Variants in KDM4B observed in about 807,000 individuals in gnomAD.
KDM4B encodes lysine demethylase 4B.
Under a neutral mutation model 125.2 loss-of-function variants are expected in KDM4B, and 32 were observed. The observed-to-expected ratio is 0.26, with a 90% confidence interval of 0.19 to 0.34. KDM4B has a LOEUF of 0.34. KDM4B is among the 10% of genes least tolerant of loss of function. The probability of loss-of-function intolerance (pLI) is 1.00; values close to 1 mark genes in which losing one functional copy is unlikely to be tolerated. For synonymous variants in KDM4B, 721 were observed against 677.9 expected (o/e 1.06, Z -0.99); for missense variants, 1,190 against 1,577.7 (o/e 0.75, Z 4.16).
intron 9 of KDM4B, among the ~76,000 whole-genome samples, chr19:5,087,320 G>A (rs2038537118): frequency 6.6e-6 from 1 of 152,234 alleles, no homozygotes; most frequent in African/African-American, 2.4e-5. Flanking sequence ...AGGAGGCCTG[G>A]TGGCCCTGTG....
rs546710112 is a variant in KDM4B, at chr19:5,114,199, G to A, written c.1115+3381G>A. Reference sequence around the variant, plus strand: ...TGCAAACTCTTTCCACGCGAGAAGCGCCATGTGCACGTGCTCCAGCAGGTA... The same window carrying A: ...TGCAAACTCTTTCCACGCGAGAAGCACCATGTGCACGTGCTCCAGCAGGTA... On this transcript the variant is annotated intron_variant, in intron 10 of 22. Transcript: ENST00000159111. The surrounding 1 kb of genome is among the most constrained non-coding windows in gnomAD (Gnocchi z 5.8). The A allele has an allele frequency of 9.1e-5, 117 of 1,289,688 alleles. No individual in the cohort carries two copies. Among genetic ancestry groups the A allele is most frequent in the Non-Finnish European group, 1.1e-4 (113 of 988,844 alleles). The allele number at this position is 1,289,688 out of a possible 1,614,324, so 79.9% of individuals were successfully genotyped here.
chr19:5,111,712 G>A, intron 10 of KDM4B: 1 of 758,834 alleles, frequency 1.3e-6, no homozygotes, highest in Non-Finnish European at 2.4e-6. Flanking sequence ...CACAGAGTGG[G>A]CTCAGCCAAC....
chr19:5,073,426 TC>T (rs1399089771), intron 7 of KDM4B, among the ~76,000 whole-genome samples: 1 of 152,238 alleles, frequency 6.6e-6, no homozygotes, highest in Non-Finnish European at 1.5e-5. Context: ...GAGCTGGGCT[TC>T]ACCCAGGCGG....
intron 1 of KDM4B, among the ~76,000 whole-genome samples, chr19:4,987,339 G>C (rs998748490): frequency 2.0e-5 from 3 of 152,238 alleles, no homozygotes; most frequent in Non-Finnish European, 4.4e-5. Flanking sequence ...TTCTCTTATA[G>C]ACTAAGAGTA....
intron 9 of KDM4B, among the ~76,000 whole-genome samples, chr19:5,098,880 C>T (rs2038878548): frequency 1.3e-5 from 2 of 152,178 alleles, no homozygotes; most frequent in African/African-American, 4.8e-5. Context: ...AAGAAATAAG[C>T]AATTTGCTTA....
Position 5,131,140 on chromosome 19 carries a change from C to T in KDM4B, c.1380C>T (p.Gly460=). The T allele has an allele frequency of 6.5e-7, 1 of 1,542,600 alleles. No individual in the cohort carries two copies. Among genetic ancestry groups the T allele is most frequent in the Non-Finnish European group, 8.7e-7 (1 of 1,144,726 alleles). ...GCGAGCGGAAGAAGAAGAGCTTCGG[C>T]CTGCTGCCCCCACAGCTGCCGCCCC... ...AKSERKKKSF[G]LLPPQLPPPP... Residue 460 remains glycine, a synonymous_variant, in exon 12 of 23, where the codon GGC becomes GGT. Coordinates refer to ENST00000159111, the MANE Select transcript of KDM4B (RefSeq NM_015015.3).
At chr19:5,143,812 C>T (rs1281169721) in intron 18 of KDM4B, among the ~76,000 whole-genome samples, 155 bp from the exon 19 acceptor site, 2 of 152,178 alleles carry the variant, frequency 1.3e-5, no homozygotes, top group Non-Finnish European at 2.9e-5. Context: ...AGGCTGCGGG[C>T]TCTGGGCTGT....
chr19:4,991,886 T>C (rs758280861), intron 1 of KDM4B, among the ~76,000 whole-genome samples: 1 of 152,234 alleles, frequency 6.6e-6, no homozygotes, highest in Admixed American at 6.5e-5. Flanking sequence ...TTTTTTCGCT[T>C]GCAATCTGTC....
At chr19:5,089,157 A>G (rs575388573) in intron 9 of KDM4B, among the ~76,000 whole-genome samples, 2 of 152,290 alleles carry the variant, frequency 1.3e-5, no homozygotes, top group Non-Finnish European at 2.9e-5. Context: ...CCTGCGTCGC[A>G]CACCTGGTGA....
At chr19:4,985,444 G>T (rs1363218236) in intron 1 of KDM4B, among the ~76,000 whole-genome samples, 1 of 152,264 alleles carries the variant, frequency 6.6e-6, no homozygotes. Context: ...GGGGCCCTCC[G>T]TGGGCTCCAG....
chr19:5,149,547 G>A (rs967613683), intron 21 of KDM4B, among the ~76,000 whole-genome samples: 2 of 152,216 alleles, frequency 1.3e-5, no homozygotes, highest in African/African-American at 4.8e-5. Flanking sequence ...CGGCAGTCAG[G>A]CCCAGGGAGT....
At chr19:5,049,181 C>T (rs1039716371) in intron 6 of KDM4B, among the ~76,000 whole-genome samples, 10 of 152,108 alleles carry the variant, frequency 6.6e-5, no homozygotes, top group African/African-American at 1.4e-4. Flanking sequence ...CACAGGCCGT[C>T]GGAGGGACTG....
intron 2 of KDM4B, among the ~76,000 whole-genome samples, chr19:5,018,258 C>T (rs2035955482): frequency 1.3e-5 from 2 of 152,076 alleles, no homozygotes; most frequent in Middle Eastern, 3.4e-3. Flanking sequence ...AAATTCCTGG[C>T]CTCAAATGAT....
intron 2 of KDM4B, among the ~76,000 whole-genome samples, chr19:5,031,280 C>T (rs1049406671): frequency 1.3e-5 from 2 of 152,230 alleles, no homozygotes; most frequent in Non-Finnish European, 2.9e-5. Context: ...TGGGAGGCCC[C>T]GCGCAGTCAG....
intron 15 of KDM4B, 65 bp from the exon 16 acceptor site, chr19:5,137,197 G>A: frequency 1.6e-6 from 2 of 1,268,694 alleles, no homozygotes; most frequent in Non-Finnish European, 2.2e-6. Context: ...CTCCCCCTGA[G>A]TTTCACTCGG....
chr19:5,080,482 G>A (rs970037340), intron 8 of KDM4B, among the ~76,000 whole-genome samples: 2 of 152,232 alleles, frequency 1.3e-5, no homozygotes, highest in African/African-American at 4.8e-5. Context: ...GCCCAGCATC[G>A]GTAGAAGTCA....
chr19:5,062,122 C>T (rs768380456), intron 6 of KDM4B, among the ~76,000 whole-genome samples: 7 of 152,206 alleles, frequency 4.6e-5, no homozygotes, highest in Non-Finnish European at 8.8e-5. Flanking sequence ...GCCCTCTGTC[C>T]GGTCCCCTGT....
chr19:5,142,552 G>C lies in KDM4B; in HGVS notation c.2551-1415G>C, dbSNP rs934048130. Among the ~76,000 whole-genome samples, 1 of 151,942 alleles carries C rather than the reference G, an allele frequency of 6.6e-6. No homozygotes were observed. Among genetic ancestry groups the C allele is most frequent in the Non-Finnish European group, 1.5e-5 (1 of 67,930 alleles). The stretch of plus-strand genomic sequence containing the variant: ...GGGCACCAGCCTGCCCCGGGGCTGG[G>C]TTTCTCCTGGGCCTGGGCCGAGGGG... On this transcript the variant is annotated intron_variant, in intron 18 of 22. Coordinates refer to ENST00000159111, the MANE Select transcript of KDM4B (RefSeq NM_015015.3). This position sits in a 1 kb window ranked among gnomAD's most constrained non-coding sequence, Gnocchi z 5.4.
chr19:5,084,608 T>A (rs1041655410), intron 9 of KDM4B, among the ~76,000 whole-genome samples: 4 of 143,900 alleles, frequency 2.8e-5, no homozygotes, highest in Non-Finnish European at 3.0e-5. Context: ...ATAAATTATA[T>A]ATATAACATA....
Sources: allele counts gnomAD v4.1 joint callset (sites outside exome capture counted in the v4.1 genomes callset), GRCh38; gene constraint gnomAD v4.1.1; non-coding constraint Gnocchi (gnomAD v3.1); transcripts MANE v1.5; gene names NCBI Gene and HGNC (gene_info 2026-07-23, HGNC 2026-07-21).